HK1: variants seen among roughly 807,000 people sequenced by gnomAD.
HK1 encodes the protein hexokinase-1.
In HK1, 28 loss-of-function variants were observed where a neutral mutation model predicts 91.6. The ratio of observed to expected loss-of-function variants is 0.31; its 90% confidence interval spans 0.23 to 0.42. The LOEUF is 0.42. HK1 is among the 10% of genes least tolerant of loss of function. The probability of loss-of-function intolerance (pLI) is 1.00; values close to 1 mark genes in which losing one functional copy is unlikely to be tolerated. For missense variants in HK1, 770 were observed against 1,219.8 expected, an observed-to-expected ratio of 0.63 and a Z score of 5.49; for synonymous variants, 430 against 468.1, an observed-to-expected ratio of 0.92 and a Z score of 1.05.
chr10:69,351,875 G>A (rs1012837001), intron 2 of HK1, among the ~76,000 whole-genome samples: 2 of 152,246 alleles, frequency 1.3e-5, no homozygotes, highest in African/African-American at 4.8e-5. Flanking sequence ...CTTAGTGATT[G>A]GTACAGAAAG....
At chr10:69,381,419 C>G (rs1228275846) in intron 9 of HK1, among the ~76,000 whole-genome samples, 1 of 151,828 alleles carries the variant, frequency 6.6e-6, no homozygotes, top group African/African-American at 2.4e-5. Context: ...TTAGCCATTT[C>G]TTTCTTTTTT....
intron 3 of HK1, chr10:69,295,512 G>C (rs1226894531): frequency 1.4e-6 from 1 of 739,544 alleles, no homozygotes; most frequent in Non-Finnish European, 2.4e-6. Context: ...GACATTCCAA[G>C]GTTACTTGTA....
At position 69,373,729 on chromosome 10, in the gene HK1, C is replaced by G. The variant is rs1850139864; in HGVS notation, c.876-3205C>G. ...CCTCAGCCTCCTGAGTAGCTGGGAC[C>G]ACAGGCAGCAGTACCATGCCTGGCT... On this transcript the variant is annotated intron_variant, in intron 7 of 17. Transcript: ENST00000359426. Among the ~76,000 whole-genome samples, 4 of 151,558 alleles carry G rather than the reference C, an allele frequency of 2.6e-5. No homozygotes were observed. The South Asian group carries it at 8.4e-4, about 32-fold the overall frequency.
Position 69,401,259 on chromosome 10 carries a change from G to C in HK1, c.*124G>C. ...AGGGCCTGCCGGCGCGGGGAGGAAA[G>C]CAAAATCCAACTAATGGTATATATT... On this transcript the variant is annotated 3_prime_UTR_variant, in exon 18 of 18. Transcript: ENST00000359426. The C allele has an allele frequency of 9.3e-7, 1 of 1,078,328 alleles. No homozygotes were observed. The highest frequency in any genetic ancestry group is 1.4e-6 in the Non-Finnish European group (1 of 732,426). 66.8% of individuals were successfully genotyped at this position (1,078,328 alleles called of 1,614,324 possible).
Position 69,386,313 on chromosome 10 carries a change from T to C in HK1, c.1840-10T>C, listed in dbSNP as rs1839627894. 6.2e-7 allele frequency: 1 copy of C among 1,611,998 alleles called. No individual in the cohort carries two copies. The highest frequency in any genetic ancestry group is 2.2e-5 in the East Asian group (1 of 44,882). The stretch of plus-strand genomic sequence containing the variant: ...TACACAGGACTCTCCTGGTGCTTTT[T>C]ATGTTGTAGGGAATCTTGATCACGT... On this transcript the variant is annotated splice_polypyrimidine_tract_variant and intron_variant, in intron 12 of 17. Coordinates refer to ENST00000359426, the MANE Select transcript of HK1 (RefSeq NM_000188.3).
chr10:69,401,215 G>T lies in HK1; in HGVS notation c.*80G>T, dbSNP rs12751. ...ACCCCCTACCCTCCCAGCGAGTTGC[G>T]CTGGGAGACGCTGGCGCCAGGGCCT... is the stretch of plus-strand genomic sequence containing the variant. On this transcript the variant is annotated 3_prime_UTR_variant, in exon 18 of 18. Coordinates refer to ENST00000359426, the MANE Select transcript of HK1 (RefSeq NM_000188.3). The T allele has an allele frequency of 0.015, 23,126 of 1,509,078 alleles. 1,500 individuals carry two copies. In the African/African-American group the frequency reaches 0.19, roughly 12 times the overall value. The allele number at this position is 1,509,078 out of a possible 1,614,324, so 93.5% of individuals were successfully genotyped here.
At chr10:69,358,536 T>G (rs990352338) in intron 2 of HK1, among the ~76,000 whole-genome samples, 1 of 152,098 alleles carries the variant, frequency 6.6e-6, no homozygotes, top group Admixed American at 6.6e-5. Flanking sequence ...CAAAATGTAG[T>G]GGATCCATAC....
intron 1 of HK1, among the ~76,000 whole-genome samples, chr10:69,330,553 A>G (rs915122251): frequency 3.3e-5 from 5 of 152,268 alleles, no homozygotes; most frequent in African/African-American, 4.8e-5. Context: ...AAAGCCATTG[A>G]TGGGGTTCAG....
chr10:69,391,733 A>G (rs1839905565), intron 14 of HK1, among the ~76,000 whole-genome samples: 4 of 152,202 alleles, frequency 2.6e-5, no homozygotes, highest in African/African-American at 4.8e-5. Flanking sequence ...GCATGTATAT[A>G]TTGTATATTC....
chr10:69,333,378 T>C (rs74875185), intron 1 of HK1, among the ~76,000 whole-genome samples: 5,491 of 152,272 alleles, frequency 0.036, 341 homozygotes, highest in African/African-American at 0.13. Flanking sequence ...GGCTGGCTGT[T>C]TGCTAAGCCA....
chr10:69,302,167 A>C (rs949845304), intron 5 of HK1, among the ~76,000 whole-genome samples: 3 of 151,612 alleles, frequency 2.0e-5, no homozygotes, highest in African/African-American at 7.3e-5. Flanking sequence ...GAATCACTTG[A>C]ACCTGGGAGG....
intron 2 of HK1, among the ~76,000 whole-genome samples, chr10:69,347,136 A>G (rs564059010): frequency 2.6e-4 from 40 of 151,614 alleles, no homozygotes; most frequent in Non-Finnish European, 4.9e-4. Flanking sequence ...AGCACCCCCT[A>G]CGTAGCTGGG....
rs373279781 is a variant in HK1 at position 69,400,613 on chromosome 10, G to A, written c.2610-378G>A. Among the ~76,000 whole-genome samples the A allele has an allele frequency of 1.1e-4, 17 of 152,286 alleles. No homozygotes were observed. In the South Asian group the frequency reaches 1.2e-3, roughly 11 times the overall value. On this transcript the variant is annotated intron_variant, in intron 17 of 17. Coordinates refer to ENST00000359426, the MANE Select transcript of HK1 (RefSeq NM_000188.3). Reference sequence around the variant, plus strand: ...AGGTCCCCCTGGAGCCTCAAGCTCCGATGTGGGTGTGTGTGTTATTCATGT... The same window carrying A: ...AGGTCCCCCTGGAGCCTCAAGCTCCAATGTGGGTGTGTGTGTTATTCATGT...
At chr10:69,361,250 G>T (rs1849402731) in intron 3 of HK1, among the ~76,000 whole-genome samples, 1 of 152,186 alleles carries the variant, frequency 6.6e-6, no homozygotes, top group Non-Finnish European at 1.5e-5. Flanking sequence ...CACCAAAGCT[G>T]GGTGCATCAC....
At chr10:69,283,696 G>A (rs1421704123) in intron 2 of HK1, among the ~76,000 whole-genome samples, 1 of 146,962 alleles carries the variant, frequency 6.8e-6, no homozygotes, top group Non-Finnish European at 1.5e-5. Context: ...GACGAGAATC[G>A]CTTGAACACA....
In HK1 at chr10:69,364,791, T is replaced by A. The variant is rs928481613; in HGVS notation, c.384T>A (p.Asp128Glu). 6.2e-7 allele frequency: 1 copy of A among 1,614,202 alleles called. No homozygotes were observed. The highest frequency in any genetic ancestry group is 1.7e-5 in the Admixed American group (1 of 60,020). Residue 128 changes from aspartate to glutamate, a missense_variant, in exon 4 of 18, where the codon GAT (aspartate) becomes GAA (glutamate). Physicochemically the swap from Asp to Glu is conservative, Grantham distance 45. Coordinates refer to ENST00000359426, the MANE Select transcript of HK1 (RefSeq NM_000188.3). ...TCTCATGTTTCCTTCAGCTTTTTGA[T>A]CATGTTGCTGAGTGCCTGGGAGATT... ...IVHGSGSQLF[D>E]HVAECLGDFM... is the part of the protein sequence containing the mutation.
At chr10:69,376,821 TG>T in intron 7 of HK1, 112 bp from the exon 8 acceptor site, 6 of 1,337,850 alleles carry the variant, frequency 4.5e-6, no homozygotes, top group Non-Finnish European at 4.3e-6. Context: ...CCAGCGAGGC[TG>T]GGGGCTGGTG....
chr10:69,316,784 G>A (rs146477402), upstream of HK1, among the ~76,000 whole-genome samples: 472 of 152,366 alleles, frequency 3.1e-3, 3 homozygotes, highest in Middle Eastern at 6.8e-3. Context: ...AGCCTGCCAA[G>A]TGCCAGGCCC....
At chr10:69,278,188 A>G (rs968141706) in intron 1 of HK1, among the ~76,000 whole-genome samples, 1 of 152,200 alleles carries the variant, frequency 6.6e-6, no homozygotes, top group Non-Finnish European at 1.5e-5. Context: ...CAATGTTCCT[A>G]TTCCAATCCA....
Sources: allele counts gnomAD v4.1 joint callset (sites outside exome capture counted in the v4.1 genomes callset), GRCh38; gene constraint gnomAD v4.1.1; transcripts MANE v1.5; gene names NCBI Gene and HGNC (gene_info 2026-07-23, HGNC 2026-07-21).